The following PHF3 variants were observed in gnomAD, a reference collection of about 807,000 sequenced individuals.
PHF3 encodes the protein PHD finger protein 3.
In PHF3, 41 loss-of-function variants were observed where a neutral mutation model predicts 178.4. That is an observed-to-expected ratio of 0.23 (90% CI 0.18 to 0.30). The LOEUF is 0.30. Ranked by LOEUF, PHF3 falls within the 10% of genes least tolerant of loss-of-function variation. PHF3 has a pLI of 1.00. For missense variants in PHF3, 2,346 were observed against 2,398.1 expected (o/e 0.98, Z 0.45); for synonymous variants, 842 against 800.5 (o/e 1.05, Z -0.88).
At chr6:63,691,433 A>G (rs890114555) in intron 4 of PHF3, among the ~76,000 whole-genome samples, 4 of 152,114 alleles carry the variant, frequency 2.6e-5, no homozygotes, top group Admixed American at 6.5e-5. Flanking sequence ...GTTATTGTTT[A>G]TAGTATTCAA....
At chr6:63,647,112 C>A (rs1489343025) in intron 2 of PHF3, among the ~76,000 whole-genome samples, 1 of 151,804 alleles carries the variant, frequency 6.6e-6, no homozygotes, top group Admixed American at 6.6e-5. Context: ...TACATCATGA[C>A]AACAGGTGTA....
At chr6:63,705,743 T>C (rs1443866844) in intron 11 of PHF3, among the ~76,000 whole-genome samples, 2 of 152,224 alleles carry the variant, frequency 1.3e-5, no homozygotes, top group Non-Finnish European at 2.9e-5. Flanking sequence ...TTAACTTTAT[T>C]ACAGGTAGAA....
In PHF3 at chr6:63,711,690, C is replaced by A. The variant is rs368469972; in HGVS notation, c.4102C>A (p.Pro1368Thr). The change falls in exon 16 of 16, where the codon CCT (proline) becomes ACT (threonine). Residue 1368 changes from proline to threonine, a missense_variant. Coordinates refer to ENST00000262043, the MANE Select transcript of PHF3 (RefSeq NM_001370348.2). ...TAGTACTAGTCATATAGCTGAGACTCCTGAAAGTGCACCACCAATAGCATT... is the reference window on the plus strand; with the variant it reads ...TAGTACTAGTCATATAGCTGAGACTACTGAAAGTGCACCACCAATAGCATT... ...CASTSHIAET[P>T]ESAPPIALPP... 1.9e-5 allele frequency: 31 copies of A among 1,613,780 alleles called. No individual in the cohort carries two copies. In the African/African-American group the frequency reaches 3.9e-4, roughly 20 times the overall value.
intron 1 of PHF3, among the ~76,000 whole-genome samples, chr6:63,643,538 C>T (rs116111131): frequency 0.021 from 3,141 of 152,242 alleles, 101 homozygotes; most frequent in African/African-American, 0.069. Flanking sequence ...AAATGTGATA[C>T]GCTTTATTAC....
At position 63,714,344 on chromosome 6, in the gene PHF3, G is replaced by A. The variant is rs1768108497; in HGVS notation, c.*636G>A. 6.6e-6 allele frequency: 1 copy of A among 152,472 alleles called. No individual in the cohort carries two copies. Among genetic ancestry groups the A allele is most frequent in the African/African-American group, 2.4e-5 (1 of 41,400 alleles). 9.4% of individuals were successfully genotyped at this position (152,472 alleles called of 1,614,324 possible). A position where few individuals can be genotyped will look rare whatever the true frequency, so the allele number is the denominator to read the frequency against. On this transcript the variant is annotated 3_prime_UTR_variant, in exon 16 of 16. Coordinates refer to ENST00000262043, the MANE Select transcript of PHF3 (RefSeq NM_001370348.2). Reference sequence around the variant, plus strand: ...TTCATTTTTGGCTCTTCAGAAACTTGAATACTTAAGCTTGTACATGATCTT... The same window carrying A: ...TTCATTTTTGGCTCTTCAGAAACTTAAATACTTAAGCTTGTACATGATCTT...
chr6:63,713,060 C>T lies in PHF3; in HGVS notation c.5472C>T (p.Pro1824=). The change falls in exon 16 of 16, where the codon CCC becomes CCT. Residue 1824 remains proline (P), a synonymous_variant. Transcript: ENST00000262043. The part of the protein sequence containing the change: ...GFPFPGPPNF[P]PQSMFGFPPH... Reference sequence around the variant, plus strand: ...CATTTCCAGGGCCTCCTAATTTTCCCCCACAAAGCATGTTTGGATTTCCAC... The same window carrying T: ...CATTTCCAGGGCCTCCTAATTTTCCTCCACAAAGCATGTTTGGATTTCCAC... The T allele has an allele frequency of 6.2e-7, 1 of 1,614,020 alleles. No individual in the cohort carries two copies. The highest frequency in any genetic ancestry group is 8.5e-7 in the Non-Finnish European group (1 of 1,179,984).
In PHF3 at chr6:63,706,896, T is replaced by A. The variant is rs768555574; in HGVS notation, c.3711+20T>A. The A allele has an allele frequency of 6.2e-7, 1 of 1,609,576 alleles. No homozygotes were observed. The highest frequency in any genetic ancestry group is 8.5e-7 in the Non-Finnish European group (1 of 1,177,310). Reference sequence around the variant, plus strand: ...ACAGAGGTACTGTGAACTTTTCTGCTTTTCTGTGCATGAATTGATAATGTG... The same window carrying A: ...ACAGAGGTACTGTGAACTTTTCTGCATTTCTGTGCATGAATTGATAATGTG... On this transcript the variant is annotated intron_variant, in intron 13 of 15. Transcript: ENST00000262043.
In PHF3 at chr6:63,716,280, C is replaced by A. The variant is rs1582135996; in HGVS notation, c.*2572C>A. 6.6e-6 allele frequency among the ~76,000 whole-genome samples: 1 copy of A among 152,148 alleles called. No individual in the cohort carries two copies. Among genetic ancestry groups the A allele is most frequent in the African/African-American group, 2.4e-5 (1 of 41,444 alleles). On this transcript the variant is annotated 3_prime_UTR_variant, in exon 16 of 16. Transcript: ENST00000262043. ...AGTTCTTTTCTCTAAAGTCCATGTG[C>A]TTAGCAATTGTGCTCTGAGAATTGA...
chr6:63,646,891 T>C lies in PHF3; in HGVS notation c.244+96T>C, dbSNP rs187245323. ...TTTCTTTTTTCTTTTTTTCTTTTTTTTTTTTTTAATGAGGAGGGTAGTAAA... is the reference window on the plus strand; with the variant it reads ...TTTCTTTTTTCTTTTTTTCTTTTTTCTTTTTTTAATGAGGAGGGTAGTAAA... On this transcript the variant is annotated intron_variant, in intron 2 of 15. Coordinates refer to ENST00000262043, the MANE Select transcript of PHF3 (RefSeq NM_001370348.2). 6,973 of 988,126 alleles carry C rather than the reference T, an allele frequency of 7.1e-3. 42 individuals are homozygous for C. Among genetic ancestry groups the C allele is most frequent in the Non-Finnish European group, 8.6e-3 (6,409 of 743,458 alleles). 61.2% of individuals were successfully genotyped at this position (988,126 alleles called of 1,614,324 possible).
intron 1 of PHF3, chr6:63,636,544 G>A (rs1209126547): frequency 2.0e-5 from 3 of 152,186 alleles, no homozygotes; most frequent in African/African-American, 7.2e-5. Context: ...CGTCTCGCAG[G>A]CCCCCGGATC....
Position 63,720,859 on chromosome 6 carries a change from C to A in PHF3, c.*7151C>A, listed in dbSNP as rs1182778175. Reference sequence around the variant, plus strand: ...AGAATTAGACTGTTATTTATGTAGGCCTTGATAAGAGTCTGATTTTGAATT... The same window carrying A: ...AGAATTAGACTGTTATTTATGTAGGACTTGATAAGAGTCTGATTTTGAATT... On this transcript the variant is annotated 3_prime_UTR_variant, in exon 16 of 16. Coordinates refer to ENST00000262043, the MANE Select transcript of PHF3 (RefSeq NM_001370348.2). 1.3e-6 allele frequency: 2 copies of A among 1,551,116 alleles called. No homozygotes were observed. Among genetic ancestry groups the A allele is most frequent in the South Asian group, 2.4e-5 (2 of 84,040 alleles).
At chr6:63,662,441 T>C (rs1200435660) in intron 2 of PHF3, among the ~76,000 whole-genome samples, 1 of 152,252 alleles carries the variant, frequency 6.6e-6, no homozygotes, top group East Asian at 1.9e-4. Context: ...TCTCGCTGTT[T>C]TCTTCTAGTC....
rs535287516 is a variant in PHF3 at position 63,725,196 on chromosome 6, T to C, written c.*11488T>C. Among the ~76,000 whole-genome samples, 1 of 152,292 alleles carries C rather than the reference T, an allele frequency of 6.6e-6. No homozygotes were observed. Among genetic ancestry groups the C allele is most frequent in the South Asian group, 2.1e-4 (1 of 4,830 alleles). The stretch of plus-strand genomic sequence containing the variant: ...GAAACTAATGAATCTCTGTAAGTAG[T>C]GTCTGATGGCATAAAAAAGGAAACT... On this transcript the variant is annotated 3_prime_UTR_variant, in exon 16 of 16. Coordinates refer to ENST00000262043, the MANE Select transcript of PHF3 (RefSeq NM_001370348.2).
chr6:63,711,600 A>C lies in PHF3; in HGVS notation c.4012A>C (p.Arg1338=), dbSNP rs1281794956. 1 of 1,584,060 alleles carries C rather than the reference A, an allele frequency of 6.3e-7. No homozygotes were observed. Among genetic ancestry groups the C allele is most frequent in the South Asian group, 1.2e-5 (1 of 85,362 alleles). The change falls in exon 16 of 16, where the codon AGA becomes CGA. Residue 1338 remains arginine (R), a synonymous_variant. Coordinates refer to ENST00000262043, the MANE Select transcript of PHF3 (RefSeq NM_001370348.2). ...PFDGPGLELH[R]PNLLLGLIIR... ...GTTTTATACAGGGCTTGAACTGCAT[A>C]GACCTAATCTATTGTTGGGCTTAAT... is the stretch of plus-strand genomic sequence containing the variant.
chr6:63,651,417 A>AG (rs1344714994), intron 2 of PHF3, among the ~76,000 whole-genome samples: 1 of 151,852 alleles, frequency 6.6e-6, no homozygotes, highest in Non-Finnish European at 1.5e-5. Flanking sequence ...GCTGGAGTGC[A>AG]GGGGGCCGAT....
In PHF3 at chr6:63,720,639, C is replaced by T. The variant is rs772888249; in HGVS notation, c.*6931C>T. ...TTCATCTCCATCATAAACATTGTAT[C>T]CTTCTAATTTAATTAGTTCAATGTT... On this transcript the variant is annotated 3_prime_UTR_variant, in exon 16 of 16. Coordinates refer to ENST00000262043, the MANE Select transcript of PHF3 (RefSeq NM_001370348.2). 3.9e-6 allele frequency: 6 copies of T among 1,521,414 alleles called. No individual in the cohort carries two copies. The highest frequency in any genetic ancestry group is 5.3e-6 in the Non-Finnish European group (6 of 1,132,534). 94.2% of individuals were successfully genotyped at this position (1,521,414 alleles called of 1,614,324 possible).
chr6:63,666,899 G>A (rs1307317084), intron 2 of PHF3, among the ~76,000 whole-genome samples: 2 of 151,848 alleles, frequency 1.3e-5, no homozygotes, highest in African/African-American at 2.4e-5. Flanking sequence ...TTACAGGCAC[G>A]TGCCACCATG....
In PHF3 at chr6:63,721,700, A is replaced by G; in HGVS notation, c.*7992A>G. On this transcript the variant is annotated 3_prime_UTR_variant, in exon 16 of 16. Coordinates refer to ENST00000262043, the MANE Select transcript of PHF3 (RefSeq NM_001370348.2). The stretch of plus-strand genomic sequence containing the variant: ...TTATATGCCAAGTACTTCCGTTTAT[A>G]GTTACTTTTTGGAGAGTTTCTAGAA... 2 of 1,551,408 alleles carry G rather than the reference A, an allele frequency of 1.3e-6. No homozygotes were observed. The highest frequency in any genetic ancestry group is 1.7e-6 in the Non-Finnish European group (2 of 1,146,740).
chr6:63,706,264 G>C (rs760922362), intron 12 of PHF3, 40 bp downstream of exon 12: 1 of 1,462,554 alleles, frequency 6.8e-7, no homozygotes, highest in East Asian at 2.3e-5. Flanking sequence ...ACTCATTATA[G>C]ATCTTTGCCA....
Sources: gnomAD v4.1 joint callset for allele counts (sites outside exome capture counted in the v4.1 genomes callset) on GRCh38, gnomAD v4.1.1 for gene constraint, MANE v1.5 for transcripts, NCBI Gene and HGNC (gene_info 2026-07-23, HGNC 2026-07-21) for gene names.